NCKAP1: variants seen among roughly 807,000 people sequenced by gnomAD.
NCKAP1 encodes the protein NCK associated protein 1.
Under a neutral mutation model 151.2 loss-of-function variants are expected in NCKAP1, and 21 were observed. The ratio of observed to expected loss-of-function variants is 0.14; its 90% CI spans 0.10 to 0.20. NCKAP1 has a LOEUF of 0.20. Ranked by LOEUF, NCKAP1 falls within the 10% of genes least tolerant of loss-of-function variation. The pLI, the probability that NCKAP1 is intolerant of heterozygous loss-of-function variation, is 1.00. For missense variants in NCKAP1, 933 were observed against 1,352.1 expected (o/e 0.69, Z 4.86); for synonymous variants, 484 against 451.8 (o/e 1.07, Z -0.90).
chr2:182,953,770 C>A (rs577055777), intron 20 of NCKAP1, among the ~76,000 whole-genome samples: 85 of 151,940 alleles, frequency 5.6e-4, no homozygotes, highest in Non-Finnish European at 1.0e-3. Context: ...TGCACTCCAG[C>A]CTGGGCAACA....
chr2:183,020,464 C>CAA (rs1179083096), intron 2 of NCKAP1, among the ~76,000 whole-genome samples: 773 of 71,032 alleles, frequency 0.011, 11 homozygotes, highest in African/African-American at 0.028. Flanking sequence ...GACCGTGTCC[C>CAA]AAAAAAAAAA....
intron 16 of NCKAP1, among the ~76,000 whole-genome samples, chr2:182,965,574 T>TA (rs1277289398): frequency 6.6e-6 from 1 of 152,124 alleles, no homozygotes; most frequent in Non-Finnish European, 1.5e-5. Flanking sequence ...CTACATATCT[T>TA]AGAGTAATAA....
intron 2 of NCKAP1, among the ~76,000 whole-genome samples, chr2:183,009,059 C>T (rs942164943): frequency 5.3e-5 from 8 of 151,850 alleles, no homozygotes; most frequent in South Asian, 2.1e-4. Flanking sequence ...TCTGAGGAAA[C>T]TGTAGTAAAT....
chr2:182,972,699 A>C (rs557709250), intron 15 of NCKAP1, among the ~76,000 whole-genome samples: 7 of 152,350 alleles, frequency 4.6e-5, no homozygotes, highest in Non-Finnish European at 8.8e-5. Flanking sequence ...AAATATATAC[A>C]CAATGGAATA....
In NCKAP1 at chr2:183,003,308, T is replaced by C. The variant is rs1698407759; in HGVS notation, c.237A>G (p.Leu79=). 1.1e-5 allele frequency: 18 copies of C among 1,598,258 alleles called. No individual in the cohort carries two copies. Among genetic ancestry groups the C allele is most frequent in the African/African-American group, 2.7e-5 (2 of 74,388 alleles). The change falls in exon 3 of 31, where the codon CTA becomes CTG. Residue 79 remains leucine, a synonymous_variant. Transcript: ENST00000361354. ...TCAGAATCTCTGATTTTTCTTTCTG[T>C]AGTTGTGCAAGCTGTTGCTGTAAAA... ...TRNNNQQLAQ[L]QKEKSEILKN...
chr2:182,910,948 G>GCACCCCCCCCCCCCCCCCC lies in NCKAP1; in HGVS notation c.*14753_*14754insGGGGGGGGGGGGGGGGGTG, dbSNP rs5836857. 8.5e-6 allele frequency: 1 copy of GCACCCCCCCCCCCCCCCCC among 117,816 alleles called. No homozygotes were observed. Among genetic ancestry groups the GCACCCCCCCCCCCCCCCCC allele is most frequent in the African/African-American group, 2.9e-5 (1 of 34,734 alleles). The allele number at this position is 117,816 out of a possible 1,614,324, so 7.3% of individuals were successfully genotyped here. A position where few individuals can be genotyped will look rare whatever the true frequency, so the allele number is the denominator to read the frequency against. On this transcript the variant is annotated 3_prime_UTR_variant, in exon 31 of 31. Transcript: ENST00000361354. ...CTTGGAAATAAAAATAAAATCCTAAGCTCCCCCCCCACATTTGACTAAACA... is the reference window on the plus strand; with the variant it reads ...CTTGGAAATAAAAATAAAATCCTAAGCACCCCCCCCCCCCCCCCCCTCCCCCCCCACATTTGACTAAACA...
In NCKAP1 at chr2:182,916,899, C is replaced by A. The variant is rs989691391; in HGVS notation, c.*8803G>T. On this transcript the variant is annotated 3_prime_UTR_variant, in exon 31 of 31. Coordinates refer to ENST00000361354, the MANE Select transcript of NCKAP1 (RefSeq NM_013436.5). ...TCTTTCCCATTTAAGATAAAGACTC[C>A]GATCAGAGCTATAGAATAGACTAAC... The A allele has an allele frequency of 6.6e-6, 1 of 151,974 alleles. No homozygotes were observed. 9.4% of individuals were successfully genotyped at this position (151,974 alleles called of 1,614,324 possible).
At chr2:182,951,658 A>G (rs1193812614) in intron 23 of NCKAP1, among the ~76,000 whole-genome samples, 1 of 145,884 alleles carries the variant, frequency 6.9e-6, no homozygotes, top group Non-Finnish European at 1.5e-5. Context: ...AAAAACAAAC[A>G]AACAAAAACT....
rs1696548266 is a variant in NCKAP1 at position 182,921,403 on chromosome 2, A to G, written c.*4299T>C. On this transcript the variant is annotated 3_prime_UTR_variant, in exon 31 of 31. Coordinates refer to ENST00000361354, the MANE Select transcript of NCKAP1 (RefSeq NM_013436.5). ...GGTCAGTATGTGTATGTAGTGTACT[A>G]TGAATGTGACTCAGCCATATACTAC... The G allele has an allele frequency of 6.6e-6, 1 of 152,332 alleles. No homozygotes were observed. Among genetic ancestry groups the G allele is most frequent in the African/African-American group, 2.4e-5 (1 of 41,582 alleles). The allele number at this position is 152,332 out of a possible 1,614,324, so 9.4% of individuals were successfully genotyped here.
intron 12 of NCKAP1, 73 bp from the exon 13 acceptor site, chr2:182,981,449 A>T: frequency 1.7e-6 from 2 of 1,175,006 alleles, no homozygotes; most frequent in Admixed American, 4.4e-5. Flanking sequence ...CGATGCCCTT[A>T]ATCTTATTTC....
At chr2:182,969,745 G>A (rs1697647947) in intron 15 of NCKAP1, among the ~76,000 whole-genome samples, 1 of 151,850 alleles carries the variant, frequency 6.6e-6, no homozygotes, top group Non-Finnish European at 1.5e-5. Flanking sequence ...AGAAAAGCAA[G>A]AATAAACCAA....
chr2:182,970,943 T>C (rs1337255760), intron 15 of NCKAP1, among the ~76,000 whole-genome samples: 3 of 152,074 alleles, frequency 2.0e-5, no homozygotes, highest in African/African-American at 4.8e-5. Context: ...GGCATTTCCA[T>C]GTGTCAACAG....
intron 2 of NCKAP1, among the ~76,000 whole-genome samples, chr2:183,016,576 GATGCTGTTACAACTCCCAGC>G (rs1325453804): frequency 1.6e-4 from 24 of 152,250 alleles, no homozygotes; most frequent in African/African-American, 4.8e-4. Flanking sequence ...ATTTATTCAT[GATGCTGTTACAACTCCCAGC>G]ATGCTGTTAC....
At chr2:182,934,215 A>AC (rs1280961824) in intron 26 of NCKAP1, among the ~76,000 whole-genome samples, 1 of 151,600 alleles carries the variant, frequency 6.6e-6, no homozygotes, top group Non-Finnish European at 1.5e-5. Flanking sequence ...TCAGCTCGCT[A>AC]CACGCTCCGC....
chr2:182,984,641 T>A (rs1476085308), intron 10 of NCKAP1, among the ~76,000 whole-genome samples: 1 of 149,906 alleles, frequency 6.7e-6, no homozygotes, highest in Non-Finnish European at 1.5e-5. Flanking sequence ...AGATGCACAA[T>A]CTTTCATGAT....
At chr2:182,985,217 T>C (rs940095819) in intron 10 of NCKAP1, among the ~76,000 whole-genome samples, 1 of 152,210 alleles carries the variant, frequency 6.6e-6, no homozygotes, top group African/African-American at 2.4e-5. Context: ...TAAAACTTCC[T>C]GTGGTTTTAT....
In NCKAP1 at chr2:183,002,008, A is replaced by G; in HGVS notation, c.548T>C (p.Val183Ala). 1 of 1,613,860 alleles carries G rather than the reference A, an allele frequency of 6.2e-7. No homozygotes were observed. The highest frequency in any genetic ancestry group is 8.5e-7 in the Non-Finnish European group (1 of 1,179,858). The change falls in exon 6 of 31, where the codon GTG (valine) becomes GCG (alanine). Residue 183 changes from valine (V) to alanine (A), a missense_variant. Transcript: ENST00000361354. ...REYPRLGQMIVDYENPLKKMM... is the reference protein window; with the variant it reads ...REYPRLGQMIADYENPLKKMM... ...CTTCTTTAAAGGGTTTTCATAATCC[A>G]CAATCATCTGGCCAAGGCGTGGGTA...
rs1233928986 is a variant in NCKAP1, at chr2:182,917,352, A to G, written c.*8350T>C. ...TTATGAAGACTATTACTGCATAAAC[A>G]TAAGATCAGCATATATGCGGCAACA... On this transcript the variant is annotated 3_prime_UTR_variant, in exon 31 of 31. Transcript: ENST00000361354. The G allele has an allele frequency of 1.3e-5, 2 of 152,228 alleles. No homozygotes were observed. Among genetic ancestry groups the G allele is most frequent in the Non-Finnish European group, 2.9e-5 (2 of 68,042 alleles). The allele number at this position is 152,228 out of a possible 1,614,324, so 9.4% of individuals were successfully genotyped here.
chr2:183,008,387 T>G (rs1448835659), intron 2 of NCKAP1, among the ~76,000 whole-genome samples: 1 of 152,228 alleles, frequency 6.6e-6, no homozygotes, highest in Non-Finnish European at 1.5e-5. Context: ...AAATCATTTT[T>G]TAATTCCAAC....
Sources: allele counts gnomAD v4.1 joint callset (sites outside exome capture counted in the v4.1 genomes callset), GRCh38; gene constraint gnomAD v4.1.1; transcripts MANE v1.5; gene names NCBI Gene and HGNC (gene_info 2026-07-23, HGNC 2026-07-21).